Variants in PKHD1 observed in about 807,000 individuals in gnomAD.
PKHD1 encodes PKHD1 ciliary IPT domain containing fibrocystin/polyductin.
Under a neutral mutation model 412.0 loss-of-function variants are expected in PKHD1, and 291 were observed. The ratio of observed to expected loss-of-function variants is 0.71; its 90% CI spans 0.64 to 0.78. PKHD1 has a LOEUF of 0.78. PKHD1 is among the 30% of genes least tolerant of loss of function. The pLI, the probability that PKHD1 is intolerant of heterozygous loss-of-function variation, is 0.00. For missense variants in PKHD1, 4,825 were observed against 4,950.7 expected, an observed-to-expected ratio of 0.97 and a Z score of 0.76; for synonymous variants, 1,777 against 1,821.5, an observed-to-expected ratio of 0.98 and a Z score of 0.62.
chr6:51,872,379 G>A (rs1321512), intron 46 of PKHD1, among the ~76,000 whole-genome samples: 53,098 of 150,702 alleles, frequency 0.35, 10,190 homozygotes, highest in East Asian at 0.73. Context: ...AATAAGTTAC[G>A]TACAAAAATC....
At chr6:51,648,774 T>A (rs1478025061) in intron 62 of PKHD1, among the ~76,000 whole-genome samples, 7 of 152,208 alleles carry the variant, frequency 4.6e-5, no homozygotes, top group African/African-American at 1.7e-4. Flanking sequence ...CAGATATAGA[T>A]CTACTTCTTT....
chr6:52,036,088 A>C (rs1260011101), intron 27 of PKHD1, among the ~76,000 whole-genome samples: 1 of 152,204 alleles, frequency 6.6e-6, no homozygotes, highest in Non-Finnish European at 1.5e-5. Flanking sequence ...AACCAAGTGC[A>C]ACAGAGCATC....
At chr6:52,004,665 G>A (rs116297487) in intron 35 of PKHD1, among the ~76,000 whole-genome samples, 2,264 of 152,200 alleles carry the variant, frequency 0.015, 63 homozygotes, top group African/African-American at 0.052. Context: ...GTTAAGCCCT[G>A]TTTTCAGGAT....
chr6:52,052,845 TAC>T (rs1211967657), intron 21 of PKHD1, among the ~76,000 whole-genome samples: 5 of 151,792 alleles, frequency 3.3e-5, no homozygotes, highest in African/African-American at 9.7e-5. Flanking sequence ...GGAGTAAGAA[TAC>T]AGACACCAGA....
chr6:51,837,088 C>G (rs780530985), intron 50 of PKHD1, among the ~76,000 whole-genome samples: 1 of 152,164 alleles, frequency 6.6e-6, no homozygotes, highest in Non-Finnish European at 1.5e-5. Context: ...GTAGATTAAG[C>G]TGGGAACATA....
At chr6:51,840,326 T>C (rs905120634) in intron 50 of PKHD1, among the ~76,000 whole-genome samples, 1 of 152,154 alleles carries the variant, frequency 6.6e-6, no homozygotes, top group African/African-American at 2.4e-5. Context: ...TTCACAGAAA[T>C]AGTATATGAA....
At chr6:51,622,867 T>C (rs891234939) in intron 66 of PKHD1, 4 of 152,178 alleles carry the variant, frequency 2.6e-5, no homozygotes, top group African/African-American at 9.6e-5. Flanking sequence ...CTAAACCTTT[T>C]ATAAACTGTT....
At chr6:51,695,519 T>C (rs1039626082) in intron 60 of PKHD1, among the ~76,000 whole-genome samples, 7 of 152,158 alleles carry the variant, frequency 4.6e-5, no homozygotes, top group African/African-American at 1.7e-4. Context: ...CCATAGTTTA[T>C]TAAATTGGTA....
chr6:51,956,403 T>G (rs1018092500), intron 36 of PKHD1, among the ~76,000 whole-genome samples: 1 of 151,768 alleles, frequency 6.6e-6, no homozygotes. Context: ...GAGCAAGGGT[T>G]TAAAATATAC....
intron 24 of PKHD1, among the ~76,000 whole-genome samples, chr6:52,045,300 T>C (rs929028355): frequency 6.6e-6 from 1 of 152,212 alleles, no homozygotes; most frequent in African/African-American, 2.4e-5. Flanking sequence ...CATTTGCAAG[T>C]GGATTGCCAA....
At chr6:52,053,561 C>T (rs1184077426) in intron 20 of PKHD1, among the ~76,000 whole-genome samples, 1 of 152,182 alleles carries the variant, frequency 6.6e-6, no homozygotes, top group Non-Finnish European at 1.5e-5. Flanking sequence ...TAATGTGAGG[C>T]TGTAACCACA....
chr6:51,781,949 T>TA lies in PKHD1; in HGVS notation c.8441-6029dup, dbSNP rs1015626264. ...TTTACCTTAAACTGAAACATTCCTG[T>TA]AAGTTTTCTAACTAAAAAAAAAAAT... On this transcript the variant is annotated intron_variant, in intron 53 of 66. Transcript: ENST00000371117. Among the ~76,000 whole-genome samples the TA allele has an allele frequency of 1.3e-4, 18 of 134,586 alleles. 1 individual carries two copies. The highest frequency in any genetic ancestry group is 3.9e-4 in the African/African-American group (16 of 41,074). 88.3% of individuals were successfully genotyped at this position (134,586 alleles called of 152,430 possible).
chr6:52,057,710 T>C (rs1286396071), intron 16 of PKHD1, among the ~76,000 whole-genome samples: 1 of 152,202 alleles, frequency 6.6e-6, no homozygotes. Context: ...CCACCACACC[T>C]GGCCAGCTTT....
intron 35 of PKHD1, among the ~76,000 whole-genome samples, chr6:52,001,399 G>A (rs1309514056): frequency 6.6e-6 from 1 of 150,766 alleles, no homozygotes; most frequent in Non-Finnish European, 1.5e-5. Context: ...ATACTCTTGA[G>A]AGAAAGACAG....
chr6:51,787,023 ATTAAAAGTCCATTG>A (rs1454431659), intron 53 of PKHD1, among the ~76,000 whole-genome samples: 1 of 152,176 alleles, frequency 6.6e-6, no homozygotes, highest in Admixed American at 6.5e-5. Context: ...ATTCAACTCT[ATTAAAAGTCCATTG>A]ATACCCTTGC....
intron 35 of PKHD1, among the ~76,000 whole-genome samples, chr6:51,975,131 A>G (rs1794204806): frequency 6.6e-6 from 1 of 152,130 alleles, no homozygotes; most frequent in Non-Finnish European, 1.5e-5. Flanking sequence ...TTGCATATTA[A>G]GCAAGAAAAT....
chr6:51,682,043 C>T (rs140201974), intron 60 of PKHD1: 186 of 197,352 alleles, frequency 9.4e-4, no homozygotes, highest in South Asian at 2.2e-3. Flanking sequence ...GAAGTACAAA[C>T]GAGAAATAAG....
intron 27 of PKHD1, among the ~76,000 whole-genome samples, chr6:52,042,125 G>C (rs1309405093): frequency 6.6e-6 from 1 of 152,158 alleles, no homozygotes; most frequent in Admixed American, 6.5e-5. Flanking sequence ...AGAAATAAGT[G>C]CAAGTTATGC....
Position 52,027,891 on chromosome 6 carries a change from T to C in PKHD1, c.3566A>G (p.Asp1189Gly), listed in dbSNP as rs769348111. The change falls in exon 31 of 67, where the codon GAT (aspartate) becomes GGT (glycine). Residue 1189 changes from aspartate (D) to glycine (G), a missense_variant. Asp to Gly is a moderately conservative substitution (Grantham distance 94). Transcript: ENST00000371117. The part of the protein sequence containing the change: ...NGVSIHSQGV[D>G]LHIQYLTEVF... ...TTCTGTGAGGTACTGGATGTGGAGA[T>C]CAACCCTACAGAAGATAGGCAGATG... The C allele has an allele frequency of 1.2e-6, 2 of 1,612,128 alleles. No individual in the cohort carries two copies. Among genetic ancestry groups the C allele is most frequent in the South Asian group, 1.1e-5 (1 of 91,046 alleles).
Sources: gnomAD v4.1 joint callset for allele counts (sites outside exome capture counted in the v4.1 genomes callset) on GRCh38, gnomAD v4.1.1 for gene constraint, MANE v1.5 for transcripts, NCBI Gene and HGNC (gene_info 2026-07-23, HGNC 2026-07-21) for gene names.